The following STX8 variants were observed in gnomAD, a reference collection of about 807,000 sequenced individuals.
STX8 encodes syntaxin 8.
STX8 carries 23 observed loss-of-function variants against 37.5 expected under a neutral mutation model. The observed-to-expected ratio is 0.61, with a 90% confidence interval of 0.44 to 0.87. The LOEUF (loss-of-function observed/expected upper bound fraction) is 0.87, where lower values mean the gene tolerates loss of function less well. Ranked by LOEUF, STX8 falls within the 40% of genes least tolerant of loss-of-function variation. The probability of loss-of-function intolerance (pLI) is 0.00; values close to 1 mark genes in which losing one functional copy is unlikely to be tolerated. For missense variants in STX8, 313 were observed against 284.7 expected (o/e 1.10, Z -0.71); for synonymous variants, 115 against 99.1 (o/e 1.16, Z -0.95).
intron 7 of STX8, among the ~76,000 whole-genome samples, chr17:9,320,236 G>C (rs1395115856): frequency 2.6e-5 from 4 of 151,164 alleles, no homozygotes; most frequent in Non-Finnish European, 3.0e-5. Context: ...GGGAGGCTGA[G>C]GCAGGAGAAT....
chr17:9,563,357 T>C (rs1597746421), intron 2 of STX8, among the ~76,000 whole-genome samples: 1 of 152,110 alleles, frequency 6.6e-6, no homozygotes, highest in East Asian at 1.9e-4. Flanking sequence ...TAATGTTTTG[T>C]ATTTTTAGTA....
chr17:9,465,518 C>T (rs1013703886), intron 6 of STX8, among the ~76,000 whole-genome samples: 5 of 152,110 alleles, frequency 3.3e-5, no homozygotes, highest in African/African-American at 1.2e-4. Flanking sequence ...ATGAATTGTG[C>T]GTGGTGAAAA....
chr17:9,458,391 C>T (rs188482371), intron 6 of STX8, among the ~76,000 whole-genome samples: 17 of 151,194 alleles, frequency 1.1e-4, no homozygotes, highest in African/African-American at 3.0e-4. Context: ...CTTCGTGATC[C>T]GCCCGCCTTG....
intron 4 of STX8, among the ~76,000 whole-genome samples, chr17:9,506,420 C>CCCCCCCCCCT (rs1555532616): frequency 9.6e-6 from 1 of 104,118 alleles, no homozygotes; most frequent in African/African-American, 3.7e-5. Flanking sequence ...CCCCCCCCCC[C>CCCCCCCCCCT]ACCCACCTTT....
intron 6 of STX8, among the ~76,000 whole-genome samples, chr17:9,394,414 A>G (rs1375162968): frequency 1.3e-5 from 2 of 151,258 alleles, no homozygotes; most frequent in South Asian, 2.1e-4. Context: ...GTCTCACTCT[A>G]TTGCCCAGGC....
At position 9,431,928 on chromosome 17, in the gene STX8, A is replaced by T. The variant is rs539420200; in HGVS notation, c.542-53275T>A. Reference sequence around the variant, plus strand: ...TCATAAAACATTTTGTAATGCTGTGACTATCTCAGCATACAGGATACCCCT... The same window carrying T: ...TCATAAAACATTTTGTAATGCTGTGTCTATCTCAGCATACAGGATACCCCT... On this transcript the variant is annotated intron_variant, in intron 6 of 7. Transcript: ENST00000306357. 2.1e-4 allele frequency among the ~76,000 whole-genome samples: 32 copies of T among 152,282 alleles called. No individual in the cohort carries two copies. In the South Asian group the frequency reaches 6.4e-3, roughly 31 times the overall value.
chr17:9,401,821 T>TA (rs1319891630), intron 6 of STX8, among the ~76,000 whole-genome samples: 1 of 152,188 alleles, frequency 6.6e-6, no homozygotes, highest in Non-Finnish European at 1.5e-5. Flanking sequence ...ACTCTTGTTT[T>TA]AAAAAAACAA....
At chr17:9,457,748 A>G (rs1905222244) in intron 6 of STX8, among the ~76,000 whole-genome samples, 1 of 152,264 alleles carries the variant, frequency 6.6e-6, no homozygotes, top group Admixed American at 6.5e-5. Flanking sequence ...CATACTTTGT[A>G]GAGGAATAAA....
At chr17:9,490,693 G>A (rs1362576220) in intron 6 of STX8, among the ~76,000 whole-genome samples, 3 of 152,134 alleles carry the variant, frequency 2.0e-5, no homozygotes, top group East Asian at 1.9e-4. Flanking sequence ...CCATTCCATC[G>A]TGTTATTACT....
intron 6 of STX8, among the ~76,000 whole-genome samples, chr17:9,462,931 C>A (rs1905458530): frequency 6.6e-6 from 1 of 152,324 alleles, no homozygotes; most frequent in Middle Eastern, 3.4e-3. Flanking sequence ...GCCCGCCACA[C>A]TTCCCAGACA....
chr17:9,487,361 CT>C (rs1249900495), intron 6 of STX8, among the ~76,000 whole-genome samples: 10 of 152,166 alleles, frequency 6.6e-5, no homozygotes, highest in Admixed American at 5.9e-4. Context: ...TCCAGCGCCC[CT>C]GACTCCCTAT....
At chr17:9,339,437 G>A (rs1216901244) in intron 7 of STX8, among the ~76,000 whole-genome samples, 3 of 151,918 alleles carry the variant, frequency 2.0e-5, no homozygotes, top group Non-Finnish European at 4.4e-5. Flanking sequence ...GGTGGATCAC[G>A]AGGTCAGGAG....
chr17:9,343,133 C>G (rs999302426), intron 7 of STX8, among the ~76,000 whole-genome samples: 1 of 151,616 alleles, frequency 6.6e-6, no homozygotes, highest in African/African-American at 2.4e-5. Context: ...CCAAGAGGAT[C>G]TGGACCACAA....
chr17:9,336,302 G>A (rs1910136809), intron 7 of STX8, among the ~76,000 whole-genome samples: 1 of 152,164 alleles, frequency 6.6e-6, no homozygotes, highest in Non-Finnish European at 1.5e-5. Context: ...TTCACAGGTG[G>A]ATAGGTGCAA....
chr17:9,478,822 C>T (rs921095450), intron 6 of STX8, among the ~76,000 whole-genome samples: 23 of 152,134 alleles, frequency 1.5e-4, no homozygotes, highest in African/African-American at 5.1e-4. Context: ...GGAGATATCC[C>T]CGTTTTCCCT....
intron 7 of STX8, among the ~76,000 whole-genome samples, chr17:9,356,294 T>G (rs1386673985): frequency 6.6e-6 from 1 of 152,192 alleles, no homozygotes; most frequent in Non-Finnish European, 1.5e-5. Flanking sequence ...TAAGAATAGC[T>G]CTAACCAAAT....
chr17:9,339,451 G>C (rs1034962217), intron 7 of STX8, among the ~76,000 whole-genome samples: 3 of 152,054 alleles, frequency 2.0e-5, no homozygotes, highest in Admixed American at 2.0e-4. Flanking sequence ...TCAGGAGATC[G>C]AGAACGTCCT....
chr17:9,344,201 G>C (rs1910457907), intron 7 of STX8, among the ~76,000 whole-genome samples: 1 of 151,874 alleles, frequency 6.6e-6, no homozygotes, highest in Non-Finnish European at 1.5e-5. Context: ...AAGGGGTCAA[G>C]ACCACGGAGG....
intron 4 of STX8, among the ~76,000 whole-genome samples, chr17:9,527,348 T>C (rs1223537599): frequency 6.6e-6 from 1 of 151,418 alleles, no homozygotes; most frequent in Non-Finnish European, 1.5e-5. Flanking sequence ...AGAGGCTGAG[T>C]TGTGAGGATC....
Sources: gnomAD v4.1 joint callset for allele counts (sites outside exome capture counted in the v4.1 genomes callset) on GRCh38, gnomAD v4.1.1 for gene constraint, MANE v1.5 for transcripts, NCBI Gene and HGNC (gene_info 2026-07-23, HGNC 2026-07-21) for gene names.